BMP2K: variants seen among roughly 807,000 people sequenced by gnomAD.
The protein encoded by BMP2K is BMP-2-inducible protein kinase.
Under a neutral mutation model 116.0 loss-of-function variants are expected in BMP2K, and 74 were observed. That is an observed-to-expected ratio of 0.64 (90% CI 0.53 to 0.77). BMP2K has a LOEUF of 0.77. Among genes scored for constraint, BMP2K ranks in the 30% least tolerant of loss-of-function variants. The pLI is 0.00. For missense variants in BMP2K, 1,365 were observed against 1,403.6 expected (o/e 0.97, Z 0.44); for synonymous variants, 486 against 502.5 (o/e 0.97, Z 0.44).
At chr4:78,907,974 CCTT>C (rs749346707) in intron 15 of BMP2K, among the ~76,000 whole-genome samples, 3 of 152,162 alleles carry the variant, frequency 2.0e-5, no homozygotes, top group East Asian at 1.9e-4. Flanking sequence ...TTCATTTTTC[CCTT>C]CTTCCCATAT....
At chr4:78,797,664 A>C (rs1728362996) in intron 1 of BMP2K, among the ~76,000 whole-genome samples, 1 of 152,190 alleles carries the variant, frequency 6.6e-6, no homozygotes, top group South Asian at 2.1e-4. Flanking sequence ...AAGTTTTAAA[A>C]GTTTCTCTCA....
At chr4:78,887,911 T>G (rs995548340) in intron 15 of BMP2K, 1 of 152,244 alleles carries the variant, frequency 6.6e-6, no homozygotes, top group South Asian at 2.1e-4. Flanking sequence ...TTAGAAGAAG[T>G]TATGCTTTAT....
At chr4:78,848,151 T>C (rs1373872991) in intron 6 of BMP2K, among the ~76,000 whole-genome samples, 1 of 151,546 alleles carries the variant, frequency 6.6e-6, no homozygotes, top group African/African-American at 2.4e-5. Context: ...TATTCTTTTG[T>C]AAGGTAATTA....
intron 1 of BMP2K, among the ~76,000 whole-genome samples, chr4:78,794,841 G>A (rs1728176940): frequency 6.6e-6 from 1 of 152,176 alleles, no homozygotes; most frequent in African/African-American, 2.4e-5. Flanking sequence ...GAGATTACAG[G>A]TGTGAGCCAC....
At chr4:78,883,269 CTATG>C (rs1363130842) in intron 14 of BMP2K, among the ~76,000 whole-genome samples, 2 of 152,016 alleles carry the variant, frequency 1.3e-5, no homozygotes, top group African/African-American at 4.8e-5. Flanking sequence ...TTAGGGTTGA[CTATG>C]TATTTACAAA....
At chr4:78,866,939 C>T (rs1401772383) in intron 10 of BMP2K, among the ~76,000 whole-genome samples, 1 of 152,120 alleles carries the variant, frequency 6.6e-6, no homozygotes, top group African/African-American at 2.4e-5. Context: ...AAGCTGGGTG[C>T]AGTGGCTCAT....
chr4:78,804,126 CT>C (rs1728701601), intron 1 of BMP2K, among the ~76,000 whole-genome samples: 1 of 152,170 alleles, frequency 6.6e-6, no homozygotes, highest in African/African-American at 2.4e-5. Flanking sequence ...CCATTCCTCC[CT>C]CCCCACCCCA....
intron 14 of BMP2K, chr4:78,879,398 A>T (rs1732791097): frequency 2.0e-6 from 2 of 985,866 alleles, no homozygotes; most frequent in Non-Finnish European, 2.4e-6. Flanking sequence ...TGTTGTCCTG[A>T]TATGGCAAAA....
At chr4:78,865,809 A>G (rs971171178) in intron 10 of BMP2K, 89 bp downstream of exon 10, 117 of 1,344,910 alleles carry the variant, frequency 8.7e-5, no homozygotes, top group South Asian at 1.8e-4. Context: ...GTGATCCTTA[A>G]TATTGTAAAG....
intron 14 of BMP2K, among the ~76,000 whole-genome samples, chr4:78,880,182 C>T (rs947539340): frequency 1.3e-5 from 2 of 152,216 alleles, no homozygotes; most frequent in Non-Finnish European, 2.9e-5. Context: ...AAGCAATTCT[C>T]CTGCCTCAGC....
At chr4:78,776,788 C>T (rs930913250) in intron 1 of BMP2K, 67 bp downstream of exon 1, 9 of 1,193,176 alleles carry the variant, frequency 7.5e-6, no homozygotes, top group Admixed American at 8.8e-5. Context: ...GCGGCTTCTC[C>T]GGGTCCTCGC....
At chr4:78,906,825 G>A (rs17003497) in intron 15 of BMP2K, among the ~76,000 whole-genome samples, 4,889 of 152,198 alleles carry the variant, frequency 0.032, 257 homozygotes, top group African/African-American at 0.11. Flanking sequence ...TTCAGGCACC[G>A]TTCTAAGTCC....
chr4:78,874,770 C>A (rs772474734), intron 13 of BMP2K, among the ~76,000 whole-genome samples: 6 of 152,200 alleles, frequency 3.9e-5, no homozygotes, highest in Non-Finnish European at 5.9e-5. Context: ...GAGGCATACA[C>A]TGGCATGCAA....
intron 3 of BMP2K, among the ~76,000 whole-genome samples, chr4:78,840,346 T>C (rs1449682178): frequency 2.0e-5 from 3 of 152,146 alleles, no homozygotes; most frequent in African/African-American, 4.8e-5. Flanking sequence ...AGAGCTCCCA[T>C]ACAAAGGGAG....
rs1370201321 is a variant in BMP2K at position 78,913,869 on chromosome 4, G to A, written c.*1836G>A. 1 of 151,024 alleles carries A rather than the reference G, an allele frequency of 6.6e-6. No homozygotes were observed. Among genetic ancestry groups the A allele is most frequent in the African/African-American group, 2.4e-5 (1 of 41,088 alleles). 9.4% of individuals were successfully genotyped at this position (151,024 alleles called of 1,614,324 possible). ...TAGAGCTGGACTGCACCAATTACTT[G>A]TCCTCGTGCCAAAGGCAAATATGTT... On this transcript the variant is annotated 3_prime_UTR_variant, in exon 16 of 16. Transcript: ENST00000502613.
At chr4:78,809,132 G>A (rs1477817471) in intron 1 of BMP2K, among the ~76,000 whole-genome samples, 3 of 152,104 alleles carry the variant, frequency 2.0e-5, no homozygotes, top group Admixed American at 6.5e-5. Flanking sequence ...TTGGGGCTTT[G>A]TTGTTAGTGT....
At chr4:78,823,542 A>ATATATAGTTATATATAGT (rs1021533098) in intron 1 of BMP2K, among the ~76,000 whole-genome samples, 1 of 147,656 alleles carries the variant, frequency 6.8e-6, no homozygotes, top group South Asian at 2.1e-4. Flanking sequence ...ATATGGTTAT[A>ATATATAGTTATATATAGT]TATATAGTTA....
In BMP2K at chr4:78,914,049, C is replaced by T. The variant is rs1393569049; in HGVS notation, c.*2016C>T. ...TTACACATAGTAAATTCATGAACTA[C>T]AGTAGGTTTGTATCAAACAATTTTT... On this transcript the variant is annotated 3_prime_UTR_variant, in exon 16 of 16. Coordinates refer to ENST00000502613, the MANE Select transcript of BMP2K (RefSeq NM_198892.2). 6.6e-6 allele frequency: 1 copy of T among 151,668 alleles called. No individual in the cohort carries two copies. Among genetic ancestry groups the T allele is most frequent in the Non-Finnish European group, 1.5e-5 (1 of 67,906 alleles). The allele number at this position is 151,668 out of a possible 1,614,324, so 9.4% of individuals were successfully genotyped here.
At chr4:78,795,474 A>C (rs1578473030) in intron 1 of BMP2K, among the ~76,000 whole-genome samples, 1 of 152,188 alleles carries the variant, frequency 6.6e-6, no homozygotes, top group East Asian at 1.9e-4. Flanking sequence ...GGACATAGGC[A>C]TGGGCAAGGA....
Sources: gnomAD v4.1 joint callset for allele counts (sites outside exome capture counted in the v4.1 genomes callset) on GRCh38, gnomAD v4.1.1 for gene constraint, MANE v1.5 for transcripts, NCBI Gene and HGNC (gene_info 2026-07-23, HGNC 2026-07-21) for gene names.